ROBO2: variants seen among roughly 807,000 people sequenced by gnomAD.
ROBO2 encodes the protein roundabout homolog 2.
A neutral mutation model predicts 160.8 loss-of-function variants in ROBO2; 53 were observed. That is an observed-to-expected ratio of 0.33 (90% CI 0.26 to 0.41). ROBO2 has a LOEUF of 0.41. Among genes scored for constraint, ROBO2 ranks in the 10% least tolerant of loss-of-function variants. The pLI is 1.00. For synonymous variants in ROBO2, 664 were observed against 611.7 expected, an observed-to-expected ratio of 1.09 and a Z score of -1.26; for missense variants, 1,577 against 1,722.4, an observed-to-expected ratio of 0.92 and a Z score of 1.49.
At chr3:77,255,187 A>G (rs1272118540) in intron 2 of ROBO2, among the ~76,000 whole-genome samples, 3 of 152,196 alleles carry the variant, frequency 2.0e-5, no homozygotes, top group Non-Finnish European at 4.4e-5. Context: ...ATCTATTTGG[A>G]GGTTTTGAAA....
intron 2 of ROBO2, among the ~76,000 whole-genome samples, chr3:76,725,721 T>TA (rs777871295): frequency 1.3e-5 from 2 of 152,144 alleles, no homozygotes; most frequent in Non-Finnish European, 2.9e-5. Flanking sequence ...CAAAGGCAGG[T>TA]ATTCTCTGTT....
At chr3:76,090,818 G>C (rs2069202122) in intron 2 of ROBO2, among the ~76,000 whole-genome samples, 1 of 152,178 alleles carries the variant, frequency 6.6e-6, no homozygotes, top group African/African-American at 2.4e-5. Flanking sequence ...AACTGATCTT[G>C]ATGAAGGAGT....
intron 2 of ROBO2, among the ~76,000 whole-genome samples, chr3:77,396,194 A>G (rs1256445461): frequency 6.6e-6 from 1 of 152,018 alleles, no homozygotes; most frequent in Non-Finnish European, 1.5e-5. Flanking sequence ...GTTTCTATAT[A>G]CAAGATTAAG....
intron 2 of ROBO2, among the ~76,000 whole-genome samples, chr3:77,143,341 T>G (rs1311462871): frequency 6.6e-6 from 1 of 151,688 alleles, no homozygotes; most frequent in Admixed American, 6.6e-5. Context: ...ACTGCAGGCA[T>G]GCACCACCAC....
At chr3:76,080,796 C>A (rs1418106664) in intron 2 of ROBO2, among the ~76,000 whole-genome samples, 1 of 152,114 alleles carries the variant, frequency 6.6e-6, no homozygotes, top group Non-Finnish European at 1.5e-5. Context: ...AGTCTTTATG[C>A]AAACAAAGAA....
In ROBO2 at chr3:76,383,564, C is replaced by T. The variant is rs547340471; in HGVS notation, c.109+445962C>T. Among the ~76,000 whole-genome samples, 4 of 152,196 alleles carry T rather than the reference C, an allele frequency of 2.6e-5. No individual in the cohort carries two copies. The East Asian group carries it at 7.7e-4, about 29-fold the overall frequency. On this transcript the variant is annotated intron_variant, in intron 2 of 26. Coordinates refer to the ROBO2 transcript ENST00000487694. ...AGTGCTTAAATTACTTGTCAATATT[C>T]TGTTCCAAAGAATGCATACAAATTG...
intron 2 of ROBO2, among the ~76,000 whole-genome samples, chr3:76,540,020 T>G (rs1017594314): frequency 6.6e-6 from 1 of 152,224 alleles, no homozygotes; most frequent in African/African-American, 2.4e-5. Context: ...ATATTTCCAT[T>G]TTAAAGGACA....
At chr3:77,473,687 A>G (rs1166746374) in intron 2 of ROBO2, among the ~76,000 whole-genome samples, 2 of 151,428 alleles carry the variant, frequency 1.3e-5, no homozygotes, top group East Asian at 3.9e-4. Flanking sequence ...CGGTCTCCTG[A>G]CCTCGTGATC....
chr3:76,092,302 A>G (rs1006073490), intron 2 of ROBO2, among the ~76,000 whole-genome samples: 19 of 152,176 alleles, frequency 1.2e-4, no homozygotes. Context: ...TTACTTGATT[A>G]TCTATTAATT....
intron 1 of ROBO2, among the ~76,000 whole-genome samples, chr3:77,061,501 A>G (rs2066299422): frequency 6.6e-6 from 1 of 152,218 alleles, no homozygotes; most frequent in Admixed American, 6.5e-5. Context: ...GGAATGCCAT[A>G]AGAAAAACAA....
At chr3:76,357,163 A>T (rs1366503989) in intron 2 of ROBO2, among the ~76,000 whole-genome samples, 1 of 151,694 alleles carries the variant, frequency 6.6e-6, no homozygotes, top group Non-Finnish European at 1.5e-5. Context: ...ACAGCTGTTT[A>T]AAAAAAATGA....
intron 2 of ROBO2, among the ~76,000 whole-genome samples, chr3:76,887,510 C>T (rs2073999357): frequency 2.0e-5 from 3 of 151,960 alleles, no homozygotes; most frequent in Admixed American, 2.0e-4. Context: ...CGGTGGCTGA[C>T]AAGAGGTTGT....
chr3:77,295,750 G>A (rs141026323), intron 2 of ROBO2, among the ~76,000 whole-genome samples: 1,619 of 150,722 alleles, frequency 0.011, 21 homozygotes, highest in African/African-American at 0.03. Flanking sequence ...GGTAAGCTGA[G>A]GCTAGATCAC....
intron 21 of ROBO2, among the ~76,000 whole-genome samples, chr3:77,609,996 C>T (rs974906002): frequency 6.6e-6 from 1 of 150,448 alleles, no homozygotes; most frequent in Non-Finnish European, 1.5e-5. Context: ...AAGGCTAACA[C>T]TTGAAAATTA....
At chr3:76,890,046 T>A (rs1047876060) in intron 2 of ROBO2, among the ~76,000 whole-genome samples, 12 of 152,294 alleles carry the variant, frequency 7.9e-5, no homozygotes, top group African/African-American at 2.9e-4. Context: ...GGACTTTCCT[T>A]TCACTCTGCG....
chr3:76,485,747 G>A (rs2079458000), intron 2 of ROBO2, among the ~76,000 whole-genome samples: 1 of 152,056 alleles, frequency 6.6e-6, no homozygotes, highest in Non-Finnish European at 1.5e-5. Flanking sequence ...ACAAAATTTT[G>A]CTTTTTATAA....
chr3:77,329,707 A>T (rs1389755540), intron 2 of ROBO2, among the ~76,000 whole-genome samples: 1 of 152,156 alleles, frequency 6.6e-6, no homozygotes, highest in African/African-American at 2.4e-5. Flanking sequence ...TGCTTAGGAG[A>T]TGTGCATTCA....
At chr3:76,757,267 T>A (rs144434489) in intron 2 of ROBO2, among the ~76,000 whole-genome samples, 2 of 151,962 alleles carry the variant, frequency 1.3e-5, no homozygotes, top group African/African-American at 4.8e-5. Context: ...CTAATCTTAG[T>A]GTACATGGCC....
rs942636813 is a variant in ROBO2 at position 76,045,531 on chromosome 3, G to T, written c.109+107929G>T. Among the ~76,000 whole-genome samples the T allele has an allele frequency of 8.6e-5, 13 of 151,990 alleles. 1 individual carries two copies. The highest frequency in any genetic ancestry group is 3.2e-4 in the African/African-American group (13 of 41,268). On this transcript the variant is annotated intron_variant, in intron 2 of 26. Coordinates refer to the ROBO2 transcript ENST00000487694. The stretch of plus-strand genomic sequence containing the variant: ...TGTATTTACTTTATAAATAAGTAAT[G>T]CCAAAATAAATAGCCTTGGGGACCA...
Sources: allele counts gnomAD v4.1 joint callset (sites outside exome capture counted in the v4.1 genomes callset), GRCh38; gene constraint gnomAD v4.1.1; transcripts MANE v1.5; gene names NCBI Gene and HGNC (gene_info 2026-07-23, HGNC 2026-07-21).